KNDC1: variants seen among roughly 807,000 people sequenced by gnomAD.
The protein encoded by KNDC1 is kinase non-catalytic C-lobe domain containing 1, also known as kinase non-catalytic C-lobe domain-containing protein 1.
A neutral mutation model predicts 172.8 loss-of-function variants in KNDC1; 106 were observed. The ratio of observed to expected loss-of-function variants is 0.61; its 90% CI spans 0.52 to 0.72. The LOEUF is 0.72. Among genes scored for constraint, KNDC1 ranks in the 30% least tolerant of loss-of-function variants. The pLI is 0.00. For missense variants in KNDC1, 2,325 were observed against 2,394.5 expected, an observed-to-expected ratio of 0.97 and a Z score of 0.61; for synonymous variants, 1,083 against 1,062.2, an observed-to-expected ratio of 1.02 and a Z score of -0.38.
At chr10:133,184,198 GCACACCCATGCTGCA>G (rs1853815398) in intron 5 of KNDC1, among the ~76,000 whole-genome samples, 2 of 132,416 alleles carry the variant, frequency 1.5e-5, no homozygotes, top group African/African-American at 6.1e-5. Context: ...CTATGCACAT[GCACACCCATGCTGCA>G]CACACCCATG....
At chr10:133,210,900 C>T (rs532951048) in intron 21 of KNDC1, among the ~76,000 whole-genome samples, 176 bp downstream of exon 21, 7 of 152,236 alleles carry the variant, frequency 4.6e-5, no homozygotes, top group Admixed American at 1.3e-4. Context: ...CACAGGGATG[C>T]GGAGAAAGCA....
Position 133,183,919 on chromosome 10 carries a change from T to C in KNDC1, c.555T>C (p.Cys185=). The C allele has an allele frequency of 1.2e-6, 2 of 1,604,552 alleles. No homozygotes were observed. Among genetic ancestry groups the C allele is most frequent in the South Asian group, 1.1e-5 (1 of 90,584 alleles). Residue 185 remains cysteine (C), a synonymous_variant, in exon 5 of 30, where the codon TGT becomes TGC. Transcript: ENST00000304613. ...AGAAGCTGCAGCTCACATCCTCCTGTCGCGTGTGCCGGAGCCTCTCTGCTG... is the reference window on the plus strand; with the variant it reads ...AGAAGCTGCAGCTCACATCCTCCTGCCGCGTGTGCCGGAGCCTCTCTGCTG... ...CEEKLQLTSS[C]RVCRSLSAVG... is the part of the protein sequence containing the mutation.
intron 3 of KNDC1, among the ~76,000 whole-genome samples, chr10:133,178,543 C>T (rs1853624277): frequency 6.6e-6 from 1 of 152,144 alleles, no homozygotes; most frequent in Non-Finnish European, 1.5e-5. Flanking sequence ...GTTCAAGCCA[C>T]TCCCAGCCTG....
chr10:133,206,872 C>T lies in KNDC1; in HGVS notation c.3498C>T (p.Thr1166=). Residue 1166 remains threonine (T), a synonymous_variant, in exon 19 of 30, where the codon ACC becomes ACT. Coordinates refer to ENST00000304613, the MANE Select transcript of KNDC1 (RefSeq NM_152643.8). Reference sequence around the variant, plus strand: ...CACCCACAGGTTCCGACGTCAAGACCATGCTGTCCAAGCTGAAAGGGCAGC... The same window carrying T: ...CACCCACAGGTTCCGACGTCAAGACTATGCTGTCCAAGCTGAAAGGGCAGC... ...EKRNKGSDVK[T]MLSKLKGQLE... 6.2e-7 allele frequency: 1 copy of T among 1,614,148 alleles called. No individual in the cohort carries two copies. Among genetic ancestry groups the T allele is most frequent in the Non-Finnish European group, 8.5e-7 (1 of 1,180,014 alleles).
At chr10:133,182,589 T>C (rs1591236080) in intron 3 of KNDC1, among the ~76,000 whole-genome samples, 1 of 152,306 alleles carries the variant, frequency 6.6e-6, no homozygotes, top group South Asian at 2.1e-4. Flanking sequence ...AGGCCTGAAG[T>C]GCGGCCGTGT....
chr10:133,220,024 T>G lies in KNDC1; in HGVS notation c.4930T>G (p.Ser1644Ala). 1 of 1,555,108 alleles carries G rather than the reference T, an allele frequency of 6.4e-7. No homozygotes were observed. Among genetic ancestry groups the G allele is most frequent in the South Asian group, 1.2e-5 (1 of 84,350 alleles). The change falls in exon 29 of 30, where the codon TCG (serine) becomes GCG (alanine). Residue 1644 changes from serine (S) to alanine (A), a missense_variant. By Grantham distance (99) the Ser-to-Ala change is moderately conservative (BLOSUM62 1). Coordinates refer to ENST00000304613, the MANE Select transcript of KNDC1 (RefSeq NM_152643.8). ...CTTCCGGGCGCAGCCCACCCTGCCC[T>G]CGGCCCACCTCCTGGCCATGCACAT... ...RRFRAQPTLP[S>A]AHLLAMHIQQ...
intron 28 of KNDC1, 137 bp downstream of exon 28, chr10:133,219,227 G>A (rs1845531228): frequency 9.1e-6 from 9 of 992,444 alleles, no homozygotes; most frequent in South Asian, 6.4e-5. Flanking sequence ...GTGGCCTCAC[G>A]GAGGCCTTGG....
At chr10:133,189,876 C>T in intron 9 of KNDC1, 63 bp downstream of exon 9, 1 of 1,356,416 alleles carries the variant, frequency 7.4e-7, no homozygotes, top group Non-Finnish European at 1.0e-6. Flanking sequence ...GCCACGTCCC[C>T]CATCTGTCCA....
intron 15 of KNDC1, 137 bp downstream of exon 15, chr10:133,199,739 C>T (rs1854308764): frequency 9.9e-7 from 1 of 1,013,316 alleles, no homozygotes; most frequent in Non-Finnish European, 1.4e-6. Flanking sequence ...GAGGGGCTAC[C>T]CTTGGTGGAG....
At chr10:133,185,656 G>T (rs950960145) in intron 5 of KNDC1, among the ~76,000 whole-genome samples, 3 of 151,476 alleles carry the variant, frequency 2.0e-5, no homozygotes, top group African/African-American at 7.3e-5. Context: ...CGTGCCTTTG[G>T]ATGAGATAAT....
At position 133,198,491 on chromosome 10, in the gene KNDC1, T is replaced by C; in HGVS notation, c.2061T>C (p.Ser687=). 4 of 1,601,274 alleles carry C rather than the reference T, an allele frequency of 2.5e-6. No homozygotes were observed. The highest frequency in any genetic ancestry group is 2.7e-5 in the African/African-American group (2 of 74,880). Residue 687 remains serine, a synonymous_variant, in exon 13 of 30, where the codon AGT becomes AGC. Coordinates refer to ENST00000304613, the MANE Select transcript of KNDC1 (RefSeq NM_152643.8). The part of the protein sequence containing the change: ...FKPIVLAQNA[S]VARDQPALAQ... ...CCATTGTCCTCGCGCAGAACGCAAG[T>C]GTGGCCAGGTGAGCATCGTCCCCAC...
chr10:133,201,867 C>A lies in KNDC1; in HGVS notation c.3356C>A (p.Ala1119Glu). 1 of 1,474,160 alleles carries A rather than the reference C, an allele frequency of 6.8e-7. No homozygotes were observed. The highest frequency in any genetic ancestry group is 2.4e-5 in the East Asian group (1 of 40,968). 91.3% of individuals were successfully genotyped at this position (1,474,160 alleles called of 1,614,324 possible). A position where few individuals can be genotyped will look rare whatever the true frequency, so the allele number is the denominator to read the frequency against. ...NYVKDLGRQQ[A>E]DGALPDAQSP... The stretch of plus-strand genomic sequence containing the variant: ...GTGAAGGACCTGGGGCGGCAGCAGG[C>A]GGACGGGGCCCTGCCCGACGCCCAG... The change falls in exon 17 of 30, where the codon GCG (alanine) becomes GAG (glutamate). Residue 1119 changes from alanine to glutamate, a missense_variant. Ala to Glu is a moderately radical substitution (Grantham distance 107). Transcript: ENST00000304613.
intron 29 of KNDC1, among the ~76,000 whole-genome samples, chr10:133,221,387 A>T (rs944566016): frequency 6.7e-6 from 1 of 150,188 alleles, no homozygotes; most frequent in African/African-American, 2.4e-5. Context: ...CAGGCCACAC[A>T]GGCTCTTCCA....
At chr10:133,177,978 G>C (rs1853599719) in intron 3 of KNDC1, among the ~76,000 whole-genome samples, 5 of 150,470 alleles carry the variant, frequency 3.3e-5, no homozygotes, top group Admixed American at 3.3e-4. Flanking sequence ...TAGCGTGCAT[G>C]TGTGTGCAGT....
Position 133,180,992 on chromosome 10 carries a change from A to C in KNDC1, c.361-2352A>C, listed in dbSNP as rs1034190143. ...AGGAGGGTTTGTCGCAGCTGTCAGAATTGTAAGTGGAGGTGACCTGGGACC... is the reference window on the plus strand; with the variant it reads ...AGGAGGGTTTGTCGCAGCTGTCAGACTTGTAAGTGGAGGTGACCTGGGACC... On this transcript the variant is annotated intron_variant, in intron 3 of 29. Coordinates refer to ENST00000304613, the MANE Select transcript of KNDC1 (RefSeq NM_152643.8). 4.6e-5 allele frequency among the ~76,000 whole-genome samples: 7 copies of C among 152,250 alleles called. No homozygotes were observed. The South Asian group carries it at 8.3e-4, about 18-fold the overall frequency.
At chr10:133,167,726 AG>A in intron 2 of KNDC1, 147 bp downstream of exon 2, 1 of 937,042 alleles carries the variant, frequency 1.1e-6, no homozygotes, top group South Asian at 1.6e-5. Context: ...CTTCCTTGGG[AG>A]GGACTCAGGC....
Position 133,168,270 on chromosome 10 carries a change from C to T in KNDC1, c.318C>T (p.Ala106=). 1 of 1,614,148 alleles carries T rather than the reference C, an allele frequency of 6.2e-7. No homozygotes were observed. The part of the protein sequence containing the change: ...MEQLSDDPEG[A]FVPPEFDVTG... ...CTCCCCAAGACGACCCTGAGGGTGC[C>T]TTCGTTCCCCCCGAGTTCGACGTGA... is the stretch of plus-strand genomic sequence containing the variant. Residue 106 remains alanine (A), a synonymous_variant, in exon 3 of 30, where the codon GCC becomes GCT. Coordinates refer to ENST00000304613, the MANE Select transcript of KNDC1 (RefSeq NM_152643.8).
Position 133,186,586 on chromosome 10 carries a change from G to A in KNDC1, c.1238G>A (p.Arg413Gln), listed in dbSNP as rs577654066. The A allele has an allele frequency of 1.9e-5, 30 of 1,605,890 alleles. No homozygotes were observed. Among genetic ancestry groups the A allele is most frequent in the African/African-American group, 4.0e-5 (3 of 75,034 alleles). Residue 413 changes from arginine (R) to glutamine (Q), a missense_variant, in exon 6 of 30, where the codon CGA becomes CAA. Physicochemically the swap from Arg to Gln is conservative, Grantham distance 43 (BLOSUM62 1). Transcript: ENST00000304613. Reference protein sequence around the residue: ...QGPAEAPADPRDASGEAQTPR... With the variant: ...QGPAEAPADPQDASGEAQTPR... Reference sequence around the variant, plus strand: ...CCAGCAGAGGCCCCTGCAGACCCTCGAGATGCTAGCGGTGAAGCCCAGACT... The same window carrying A: ...CCAGCAGAGGCCCCTGCAGACCCTCAAGATGCTAGCGGTGAAGCCCAGACT...
rs943037453 is a variant in KNDC1, at chr10:133,160,251, C to T, written c.-217C>T. ...AGCGACGTTCCCTAGGCGCCGGGTC[C>T]GGACAGCGCCGCGCAGCCCCCGCGC... On this transcript the variant is annotated 5_prime_UTR_variant, in exon 1 of 30. Transcript: ENST00000304613. Among the ~76,000 whole-genome samples the T allele has an allele frequency of 5.4e-5, 8 of 148,820 alleles. No individual in the cohort carries two copies. Among genetic ancestry groups the T allele is most frequent in the African/African-American group, 1.2e-4 (5 of 41,014 alleles).
Sources: gnomAD v4.1 joint callset for allele counts (sites outside exome capture counted in the v4.1 genomes callset) on GRCh38, gnomAD v4.1.1 for gene constraint, MANE v1.5 for transcripts, NCBI Gene and HGNC (gene_info 2026-07-23, HGNC 2026-07-21) for gene names.